The following ANKRD9 variants were observed in gnomAD, a reference collection of about 807,000 sequenced individuals.
ANKRD9 encodes ankyrin repeat domain 9, also known as ankyrin repeat domain-containing protein 9.
A neutral mutation model predicts 19.2 loss-of-function variants in ANKRD9; 13 were observed. The ratio of observed to expected loss-of-function variants is 0.68; its 90% CI spans 0.44 to 1.08. The LOEUF (loss-of-function observed/expected upper bound fraction) is 1.08, where lower values mean the gene tolerates loss of function less well. ANKRD9 is among the 50% of genes least tolerant of loss of function. The probability of loss-of-function intolerance (pLI) is 0.00; values close to 1 mark genes in which losing one functional copy is unlikely to be tolerated. For missense variants in ANKRD9, 518 were observed against 499.9 expected (o/e 1.04, Z -0.34); for synonymous variants, 278 against 256.8 (o/e 1.08, Z -0.79).
In ANKRD9 at chr14:102,504,386, CA is replaced by C. The variant is rs1191481092; in HGVS notation, c.*2549del. 6.5e-6 allele frequency: 1 copy of C among 154,216 alleles called. No homozygotes were observed. Among genetic ancestry groups the C allele is most frequent in the Non-Finnish European group, 1.5e-5 (1 of 68,090 alleles). 9.6% of individuals were successfully genotyped at this position (154,216 alleles called of 1,614,324 possible). ...TTGGGAAGCCACCAAGGCCACCTGC[CA>C]ACAGGCAAATGCTGTGCTGCCGTCT... On this transcript the variant is annotated 3_prime_UTR_variant, in exon 4 of 4. Coordinates refer to ENST00000286918, the MANE Select transcript of ANKRD9 (RefSeq NM_152326.4).
In ANKRD9 at chr14:102,507,884, C is replaced by T. The variant is rs749898438; in HGVS notation, c.6G>A (p.Pro2=). 2.1e-4 allele frequency: 241 copies of T among 1,125,710 alleles called. 3 individuals are homozygous for T. The highest frequency in any genetic ancestry group is 3.8e-4 in the Middle Eastern group (1 of 2,604). The allele number at this position is 1,125,710 out of a possible 1,614,324, so 69.7% of individuals were successfully genotyped here. A position where few individuals can be genotyped will look rare whatever the true frequency, so the allele number is the denominator to read the frequency against. M[P]WDARRPGGGA... is the part of the protein sequence containing the mutation. The stretch of plus-strand genomic sequence containing the variant: ...CACCCCCAGGCCGCCGCGCGTCCCA[C>T]GGCATGCTGGCGGCGGGGCGTTCCT... Residue 2 remains proline (P), a synonymous_variant, in exon 4 of 4, where the codon CCG becomes CCA. Transcript: ENST00000286918. This position sits in a 1 kb window ranked among gnomAD's most constrained non-coding sequence, Gnocchi z 9.2.
In ANKRD9 at chr14:102,507,551, G is replaced by A. The variant is rs773333445; in HGVS notation, c.339C>T (p.Pro113=). The A allele has an allele frequency of 1.3e-5, 17 of 1,343,528 alleles. No homozygotes were observed. Among genetic ancestry groups the A allele is most frequent in the Non-Finnish European group, 1.5e-5 (16 of 1,047,888 alleles). The allele number at this position is 1,343,528 out of a possible 1,614,324, so 83.2% of individuals were successfully genotyped here. The change falls in exon 4 of 4, where the codon CCC becomes CCT. Residue 113 remains proline (P), a synonymous_variant. Coordinates refer to ENST00000286918, the MANE Select transcript of ANKRD9 (RefSeq NM_152326.4). The surrounding 1 kb of genome is among the most constrained non-coding windows in gnomAD (Gnocchi z 9.2). The stretch of plus-strand genomic sequence containing the variant: ...GCACTGCCAGCGCCACGTGCGGCCC[G>A]GGAGCCGCGCAGCAGCGGAAGCCGG... ...PSAGFRCCAA[P]GPHVALAVRY...
rs1891484560 is a variant in ANKRD9, at chr14:102,502,984, GCGGGCGGA to G, written c.*3944_*3951del. ...AACCCCAGCACTTTGGGAGGCTGAG[GCGGGCGGA>G]TCACAAGGTCAGGAGTTCGAGACCT... On this transcript the variant is annotated 3_prime_UTR_variant, in exon 4 of 4. Coordinates refer to ENST00000286918, the MANE Select transcript of ANKRD9 (RefSeq NM_152326.4). 1 of 152,136 alleles carries G rather than the reference GCGGGCGGA, an allele frequency of 6.6e-6. No individual in the cohort carries two copies. Among genetic ancestry groups the G allele is most frequent in the Non-Finnish European group, 1.5e-5 (1 of 68,032 alleles). 9.4% of individuals were successfully genotyped at this position (152,136 alleles called of 1,614,324 possible).
In ANKRD9 at chr14:102,507,636, T is replaced by C; in HGVS notation, c.254A>G (p.Gln85Arg). Reference sequence around the variant, plus strand: ...GGCCAGCAGGTAATGCGCGTACGCTTGGTGGTCGTGCACGAGCGCGTAGAG... The same window carrying C: ...GGCCAGCAGGTAATGCGCGTACGCTCGGTGGTCGTGCACGAGCGCGTAGAG... ...ALLYALVHDH[Q>R]AYAHYLLATF... The change falls in exon 4 of 4, where the codon CAA (glutamine) becomes CGA (arginine). Residue 85 changes from glutamine to arginine, a missense_variant. Coordinates refer to ENST00000286918, the MANE Select transcript of ANKRD9 (RefSeq NM_152326.4). This position sits in a 1 kb window ranked among gnomAD's most constrained non-coding sequence, Gnocchi z 9.2. 6.5e-7 allele frequency: 1 copy of C among 1,537,090 alleles called. No homozygotes were observed. The highest frequency in any genetic ancestry group is 8.7e-7 in the Non-Finnish European group (1 of 1,146,502).
At position 102,506,961 on chromosome 14, in the gene ANKRD9, G is replaced by A. The variant is rs764334118; in HGVS notation, c.929C>T (p.Pro310Leu). The A allele has an allele frequency of 6.5e-6, 10 of 1,550,360 alleles. No individual in the cohort carries two copies. The highest frequency in any genetic ancestry group is 3.5e-5 in the South Asian group (3 of 84,620). The change falls in exon 4 of 4, where the codon CCG (proline) becomes CTG (leucine). Residue 310 changes from proline to leucine, a missense_variant. Physicochemically the swap from Pro to Leu is moderately conservative, Grantham distance 98 (BLOSUM62 -3). Coordinates refer to ENST00000286918, the MANE Select transcript of ANKRD9 (RefSeq NM_152326.4). ...DELPLPPFLQ[P>L]LDLTGKG ...CTAGCCTTTGCCAGTGAGGTCCAAC[G>A]GCTGCAGGAATGGGGGCAGCGGCAG...
chr14:102,507,716 G>T lies in ANKRD9; in HGVS notation c.174C>A (p.Ala58=), dbSNP rs1423405233. The change falls in exon 4 of 4, where the codon GCC becomes GCA. Residue 58 remains alanine, a synonymous_variant. Transcript: ENST00000286918. This position sits in a 1 kb window ranked among gnomAD's most constrained non-coding sequence, Gnocchi z 9.2. ...CGCGCCCGCGCTCGTCCCAGTGGAA[G>T]GCCTCGCTGGCGCGCATATCCTCCA... The part of the protein sequence containing the change: ...WLLEDMRASE[A]FHWDERGRAA... 1 of 1,535,166 alleles carries T rather than the reference G, an allele frequency of 6.5e-7. No individual in the cohort carries two copies. Among genetic ancestry groups the T allele is most frequent in the South Asian group, 1.2e-5 (1 of 84,808 alleles).
Position 102,507,556 on chromosome 14 carries a change from C to T in ANKRD9, c.334G>A (p.Ala112Thr). 1 of 1,347,256 alleles carries T rather than the reference C, an allele frequency of 7.4e-7. No homozygotes were observed. The highest frequency in any genetic ancestry group is 1.6e-5 in the South Asian group (1 of 61,560). 83.5% of individuals were successfully genotyped at this position (1,347,256 alleles called of 1,614,324 possible). A position where few individuals can be genotyped will look rare whatever the true frequency, so the allele number is the denominator to read the frequency against. ...GCCAGCGCCACGTGCGGCCCGGGAG[C>T]CGCGCAGCAGCGGAAGCCGGCACTG... is the stretch of plus-strand genomic sequence containing the variant. ...PPSAGFRCCAAPGPHVALAVR... is the reference protein window; with the variant it reads ...PPSAGFRCCATPGPHVALAVR... The change falls in exon 4 of 4, where the codon GCT becomes ACT. Residue 112 changes from alanine (A) to threonine (T), a missense_variant. Transcript: ENST00000286918. This position sits in a 1 kb window ranked among gnomAD's most constrained non-coding sequence, Gnocchi z 9.2.
Position 102,507,283 on chromosome 14 carries a change from G to C in ANKRD9, c.607C>G (p.Leu203Val), listed in dbSNP as rs1374584799. 17 of 1,213,240 alleles carry C rather than the reference G, an allele frequency of 1.4e-5. No individual in the cohort carries two copies. Among genetic ancestry groups the C allele is most frequent in the Non-Finnish European group, 1.7e-5 (17 of 972,876 alleles). 75.2% of individuals were successfully genotyped at this position (1,213,240 alleles called of 1,614,324 possible). The change falls in exon 4 of 4, where the codon CTG (leucine) becomes GTG (valine). Residue 203 changes from leucine (L) to valine (V), a missense_variant. Coordinates refer to ENST00000286918, the MANE Select transcript of ANKRD9 (RefSeq NM_152326.4). This position sits in a 1 kb window ranked among gnomAD's most constrained non-coding sequence, Gnocchi z 9.2. The stretch of plus-strand genomic sequence containing the variant: ...GGAGTGGCCCCGGCGTCGCGGCCCA[G>C]CTGGCGCAGCAGCAGCTCGAGAGGC... ...LTPLELLLRQLGRDAGATPSA... is the reference protein window; with the variant it reads ...LTPLELLLRQVGRDAGATPSA...
chr14:102,507,147 C>A lies in ANKRD9; in HGVS notation c.743G>T (p.Arg248Leu), dbSNP rs1415558192. 4.9e-6 allele frequency: 7 copies of A among 1,431,124 alleles called. No homozygotes were observed. The highest frequency in any genetic ancestry group is 2.9e-5 in the East Asian group (1 of 34,544). The allele number at this position is 1,431,124 out of a possible 1,614,324, so 88.7% of individuals were successfully genotyped here. The change falls in exon 4 of 4, where the codon CGC (arginine) becomes CTC (leucine). Residue 248 changes from arginine to leucine, a missense_variant. Arg to Leu is a moderately radical substitution (Grantham distance 102, BLOSUM62 -2). Transcript: ENST00000286918. The surrounding 1 kb of genome is among the most constrained non-coding windows in gnomAD (Gnocchi z 9.2). ...CGGCCGGTCGCCCAGCAGCTCCTGGCGGGCCGAGCCGGCGGCACCCACGGG... is the reference window on the plus strand; with the variant it reads ...CGGCCGGTCGCCCAGCAGCTCCTGGAGGGCCGAGCCGGCGGCACCCACGGG... ...YTPVGAAGSARQELLGDRPRW... is the reference protein window; with the variant it reads ...YTPVGAAGSALQELLGDRPRW...
chr14:102,507,732 A>G lies in ANKRD9; in HGVS notation c.158T>C (p.Met53Thr), dbSNP rs748011313. The change falls in exon 4 of 4, where the codon ATG becomes ACG. Residue 53 changes from methionine (M) to threonine (T), a missense_variant. Coordinates refer to ENST00000286918, the MANE Select transcript of ANKRD9 (RefSeq NM_152326.4). This position sits in a 1 kb window ranked among gnomAD's most constrained non-coding sequence, Gnocchi z 9.2. Reference sequence around the variant, plus strand: ...CCAGTGGAAGGCCTCGCTGGCGCGCATATCCTCCAGCAGCCACACGGGTAG... The same window carrying G: ...CCAGTGGAAGGCCTCGCTGGCGCGCGTATCCTCCAGCAGCCACACGGGTAG... ...DLLPVWLLED[M>T]RASEAFHWDE... 8.5e-5 allele frequency: 128 copies of G among 1,510,298 alleles called. No individual in the cohort carries two copies. Among genetic ancestry groups the G allele is most frequent in the Non-Finnish European group, 1.1e-4 (122 of 1,132,458 alleles). 93.6% of individuals were successfully genotyped at this position (1,510,298 alleles called of 1,614,324 possible).
chr14:102,507,610 T>C lies in ANKRD9; in HGVS notation c.280A>G (p.Thr94Ala), dbSNP rs769753028. ...HQAYAHYLLA[T>A]FPRRALAPPS... is the part of the protein sequence containing the mutation. ...GGTGCGAGCGCGCGCCGCGGGAACG[T>C]GGCCAGCAGGTAATGCGCGTACGCT... The change falls in exon 4 of 4, where the codon ACG becomes GCG. Residue 94 changes from threonine to alanine, a missense_variant. Coordinates refer to ENST00000286918, the MANE Select transcript of ANKRD9 (RefSeq NM_152326.4). This position sits in a 1 kb window ranked among gnomAD's most constrained non-coding sequence, Gnocchi z 9.2. 1.7e-5 allele frequency: 26 copies of C among 1,486,886 alleles called. No individual in the cohort carries two copies. The highest frequency in any genetic ancestry group is 4.4e-5 in the African/African-American group (3 of 68,740). The allele number at this position is 1,486,886 out of a possible 1,614,324, so 92.1% of individuals were successfully genotyped here.
rs1459900395 is a variant in ANKRD9, at chr14:102,503,349, T to C, written c.*3587A>G. 7.4e-6 allele frequency: 1 copy of C among 135,608 alleles called. No individual in the cohort carries two copies. The highest frequency in any genetic ancestry group is 8.4e-5 in the Admixed American group (1 of 11,960). The allele number at this position is 135,608 out of a possible 1,614,324, so 8.4% of individuals were successfully genotyped here. On this transcript the variant is annotated 3_prime_UTR_variant, in exon 4 of 4. Transcript: ENST00000286918. ...CCCAGGCTGGAGTGCAATGGCGCAA[T>C]CTTGGCTCACTGCAACCTCCGCCTC...
At position 102,505,857 on chromosome 14, in the gene ANKRD9, C is replaced by G. The variant is rs944589311; in HGVS notation, c.*1079G>C. 1 of 152,348 alleles carries G rather than the reference C, an allele frequency of 6.6e-6. No individual in the cohort carries two copies. The allele number at this position is 152,348 out of a possible 1,614,324, so 9.4% of individuals were successfully genotyped here. On this transcript the variant is annotated 3_prime_UTR_variant, in exon 4 of 4. Coordinates refer to ENST00000286918, the MANE Select transcript of ANKRD9 (RefSeq NM_152326.4). Reference sequence around the variant, plus strand: ...GTTCTTCCTCCTGCAGACCTTCAGCCCTCTGCTCCTGGCAGGACACTGTGG... The same window carrying G: ...GTTCTTCCTCCTGCAGACCTTCAGCGCTCTGCTCCTGGCAGGACACTGTGG...
At position 102,507,710 on chromosome 14, in the gene ANKRD9, G is replaced by A. The variant is rs755817553; in HGVS notation, c.180C>T (p.His60=). ...CGGCGGCGCGCCCGCGCTCGTCCCA[G>A]TGGAAGGCCTCGCTGGCGCGCATAT... ...LEDMRASEAF[H]WDERGRAAAY... Residue 60 remains histidine (H), a synonymous_variant, in exon 4 of 4, where the codon CAC becomes CAT. Coordinates refer to ENST00000286918, the MANE Select transcript of ANKRD9 (RefSeq NM_152326.4). This position sits in a 1 kb window ranked among gnomAD's most constrained non-coding sequence, Gnocchi z 9.2. The A allele has an allele frequency of 1.3e-6, 2 of 1,536,128 alleles. No homozygotes were observed. Among genetic ancestry groups the A allele is most frequent in the Middle Eastern group, 1.7e-4 (1 of 5,844 alleles).
In ANKRD9 at chr14:102,503,053, A is replaced by G. The variant is rs941637503; in HGVS notation, c.*3883T>C. 6.6e-6 allele frequency: 1 copy of G among 151,856 alleles called. No individual in the cohort carries two copies. Among genetic ancestry groups the G allele is most frequent in the African/African-American group, 2.4e-5 (1 of 41,328 alleles). The allele number at this position is 151,856 out of a possible 1,614,324, so 9.4% of individuals were successfully genotyped here. A position where few individuals can be genotyped will look rare whatever the true frequency, so the allele number is the denominator to read the frequency against. On this transcript the variant is annotated 3_prime_UTR_variant, in exon 4 of 4. Transcript: ENST00000286918. ...CATGCTGAAACCCAGTCTCTACTAC[A>G]AATACAAAAATTAGCCGGGCGTGGT...
In ANKRD9 at chr14:102,507,933, G is replaced by A; in HGVS notation, c.-44C>T. On this transcript the variant is annotated 5_prime_UTR_variant, in exon 4 of 4. Coordinates refer to ENST00000286918, the MANE Select transcript of ANKRD9 (RefSeq NM_152326.4). The surrounding 1 kb of genome is among the most constrained non-coding windows in gnomAD (Gnocchi z 9.2). ...CTGGGCCTCAAGGCATGGATCCCGC[G>A]AAGGCACACCTGCGGGGAAAGGAAG... The A allele has an allele frequency of 9.1e-7, 1 of 1,098,170 alleles. No individual in the cohort carries two copies. The highest frequency in any genetic ancestry group is 1.1e-6 in the Non-Finnish European group (1 of 892,650). 68.0% of individuals were successfully genotyped at this position (1,098,170 alleles called of 1,614,324 possible).
Position 102,506,934 on chromosome 14 carries a change from G to A in ANKRD9, c.*2C>T. ...AAATCCAGCGCCTAGGGTGCTCCGG[G>A]CCTAGCCTTTGCCAGTGAGGTCCAA... On this transcript the variant is annotated 3_prime_UTR_variant, in exon 4 of 4. Transcript: ENST00000286918. The A allele has an allele frequency of 6.6e-7, 1 of 1,507,298 alleles. No individual in the cohort carries two copies. The highest frequency in any genetic ancestry group is 2.6e-5 in the East Asian group (1 of 38,768). The allele number at this position is 1,507,298 out of a possible 1,614,324, so 93.4% of individuals were successfully genotyped here. A position where few individuals can be genotyped will look rare whatever the true frequency, so the allele number is the denominator to read the frequency against.
Position 102,502,231 on chromosome 14 carries a change from G to C in ANKRD9, c.*4705C>G, listed in dbSNP as rs1025443151. 1 of 152,526 alleles carries C rather than the reference G, an allele frequency of 6.6e-6. No individual in the cohort carries two copies. Among genetic ancestry groups the C allele is most frequent in the African/African-American group, 2.4e-5 (1 of 41,464 alleles). The allele number at this position is 152,526 out of a possible 1,614,324, so 9.4% of individuals were successfully genotyped here. ...AAGAAATCAGAGGGAGAAAGGGAGA[G>C]AAGGGGGAGGGAGACAACCCAAACG... is the stretch of plus-strand genomic sequence containing the variant. On this transcript the variant is annotated 3_prime_UTR_variant, in exon 4 of 4. Transcript: ENST00000286918.
At position 102,507,047 on chromosome 14, in the gene ANKRD9, G is replaced by GC. The variant is rs1407742345; in HGVS notation, c.842dup (p.Ala282ArgfsTer118). The GC allele has an allele frequency of 1.3e-6, 2 of 1,575,428 alleles. No individual in the cohort carries two copies. Among genetic ancestry groups the GC allele is most frequent in the African/African-American group, 2.7e-5 (2 of 73,096 alleles). ...TGGCGGTGACCAGCACCTGCATGGCGCGCGCGAAGAGCGAGGGCGGCGCCA... is the reference window on the plus strand; with the variant it reads ...TGGCGGTGACCAGCACCTGCATGGCGCCGCGCGAAGAGCGAGGGCGGCGCCA... On this transcript the variant is annotated frameshift_variant, in exon 4 of 4. Coordinates refer to ENST00000286918, the MANE Select transcript of ANKRD9 (RefSeq NM_152326.4). LOFTEE classifies it high-confidence loss of function. The surrounding 1 kb of genome is among the most constrained non-coding windows in gnomAD (Gnocchi z 9.2).
Sources: allele counts gnomAD v4.1 joint callset, GRCh38; gene constraint gnomAD v4.1.1; non-coding constraint Gnocchi (gnomAD v3.1); transcripts MANE v1.5; gene names NCBI Gene and HGNC (gene_info 2026-07-23, HGNC 2026-07-21).